PCDHA9: variants seen among roughly 807,000 people sequenced by gnomAD.
The protein encoded by PCDHA9 is protocadherin alpha-9.
In PCDHA9, 62 loss-of-function variants were observed where a neutral mutation model predicts 62.0. The observed-to-expected ratio is 1.00, with a 90% CI of 0.81 to 1.23. The LOEUF is 1.23. Ranked by LOEUF, PCDHA9 falls within the 50% of genes most tolerant of loss-of-function variation. The pLI is 0.00. For missense variants in PCDHA9, 1,205 were observed against 1,249.8 expected, an observed-to-expected ratio of 0.96 and a Z score of 0.54; for synonymous variants, 557 against 567.6, an observed-to-expected ratio of 0.98 and a Z score of 0.27.
At chr5:140,978,597 A>G (rs897045455) in intron 1 of PCDHA9, among the ~76,000 whole-genome samples, 1 of 152,234 alleles carries the variant, frequency 6.6e-6, no homozygotes, top group Non-Finnish European at 1.5e-5. Flanking sequence ...TTAATGGGGC[A>G]CTTGAGGGCA....
intron 1 of PCDHA9, chr5:140,875,439 G>C (rs375983329): frequency 3.8e-6 from 6 of 1,569,382 alleles, no homozygotes; most frequent in East Asian, 2.3e-5. Flanking sequence ...CCTTAAAACT[G>C]ATTGTCCCAA....
chr5:140,986,204 T>A (rs2097190386), intron 3 of PCDHA9, among the ~76,000 whole-genome samples: 1 of 152,224 alleles, frequency 6.6e-6, no homozygotes, highest in African/African-American at 2.4e-5. Context: ...TAATCCTGAT[T>A]ACTGGCCCCT....
At chr5:140,869,355 G>A (rs782391359) in intron 1 of PCDHA9, 19 of 1,614,012 alleles carry the variant, frequency 1.2e-5, no homozygotes, top group Admixed American at 1.7e-5. Context: ...ATGGCATTTT[G>A]TTTGTGAATT....
intron 3 of PCDHA9, among the ~76,000 whole-genome samples, chr5:140,988,057 C>T (rs557714672): frequency 6.6e-6 from 1 of 152,188 alleles, no homozygotes; most frequent in Non-Finnish European, 1.5e-5. Context: ...GCACTGTCAA[C>T]ATGAATTTTT....
chr5:140,856,225 G>C (rs1554148421), intron 1 of PCDHA9: 1 of 1,598,066 alleles, frequency 6.3e-7, no homozygotes, highest in Admixed American at 1.7e-5. Context: ...CGGAGCTGGT[G>C]CAGCGCCTGT....
intron 1 of PCDHA9, among the ~76,000 whole-genome samples, chr5:140,918,322 A>G (rs538027862): frequency 1.1e-4 from 16 of 152,220 alleles, no homozygotes; most frequent in African/African-American, 2.6e-4. Context: ...GTATAAAATT[A>G]TATTGTCTGC....
rs2150424583 is a variant in PCDHA9 at position 140,848,913 on chromosome 5, C to A, written c.418C>A (p.Leu140Met). 1 of 1,608,160 alleles carries A rather than the reference C, an allele frequency of 6.2e-7. No homozygotes were observed. Among genetic ancestry groups the A allele is most frequent in the South Asian group, 1.1e-5 (1 of 90,836 alleles). ...PPVFPATQKNLFIAESRPLDS... is the reference protein window; with the variant it reads ...PPVFPATQKNMFIAESRPLDS... ...AGTGTTCCCAGCGACACAAAAGAAT[C>A]TGTTCATCGCGGAATCCAGGCCGCT... The change falls in exon 1 of 4, where the codon CTG (leucine) becomes ATG (methionine). Residue 140 changes from leucine to methionine, a missense_variant. Coordinates refer to ENST00000532602, the MANE Select transcript of PCDHA9 (RefSeq NM_031857.2).
In PCDHA9 at chr5:140,848,382, ACTCT is replaced by A. The variant is rs1581148542; in HGVS notation, c.-109_-106del. Reference sequence around the variant, plus strand: ...TGGGAAAGAGGCTCAATTCTTTTTCACTCTCTCTGTGCTGAACGATGGCGAACAC... The same window carrying A: ...TGGGAAAGAGGCTCAATTCTTTTTCACTCTGTGCTGAACGATGGCGAACAC... On this transcript the variant is annotated 5_prime_UTR_variant, in exon 1 of 4. Coordinates refer to ENST00000532602, the MANE Select transcript of PCDHA9 (RefSeq NM_031857.2). 1.7e-6 allele frequency: 2 copies of A among 1,188,866 alleles called. No individual in the cohort carries two copies. Among genetic ancestry groups the A allele is most frequent in the Non-Finnish European group, 2.4e-6 (2 of 838,758 alleles). 73.6% of individuals were successfully genotyped at this position (1,188,866 alleles called of 1,614,324 possible). A position where few individuals can be genotyped will look rare whatever the true frequency, so the allele number is the denominator to read the frequency against.
At chr5:140,926,255 G>T (rs562420240) in intron 1 of PCDHA9, 1 of 152,224 alleles carries the variant, frequency 6.6e-6, no homozygotes, top group African/African-American at 2.4e-5. Flanking sequence ...TCACCGTCCC[G>T]CCTCTCGCCG....
chr5:140,885,122 T>A (rs191806335), intron 1 of PCDHA9, among the ~76,000 whole-genome samples: 1 of 152,332 alleles, frequency 6.6e-6, no homozygotes, highest in African/African-American at 2.4e-5. Context: ...AGTGCACTTT[T>A]CTTTCTTTCT....
At chr5:140,851,158 C>A in intron 1 of PCDHA9, 1 of 1,299,046 alleles carries the variant, frequency 7.7e-7, no homozygotes, top group Non-Finnish European at 9.9e-7. Flanking sequence ...ATTTCTGATG[C>A]TATGCTGCCA....
At chr5:140,916,714 G>C (rs1457405124) in intron 1 of PCDHA9, among the ~76,000 whole-genome samples, 1 of 152,172 alleles carries the variant, frequency 6.6e-6, no homozygotes, top group African/African-American at 2.4e-5. Context: ...CAGAAGGAAG[G>C]AGTGACTTTT....
Position 140,946,631 on chromosome 5 carries a change from T to TATATATATATATATACAC in PCDHA9, c.2395-32317_2395-32316insTATATATATATATACACA, listed in dbSNP as rs57893927. 8.0e-4 allele frequency among the ~76,000 whole-genome samples: 106 copies of TATATATATATATATACAC among 131,838 alleles called. 2 individuals carry two copies. The East Asian group carries it at 0.018, about 23-fold the overall frequency. 86.5% of individuals were successfully genotyped at this position (131,838 alleles called of 152,430 possible). A position where few individuals can be genotyped will look rare whatever the true frequency, so the allele number is the denominator to read the frequency against. On this transcript the variant is annotated intron_variant, in intron 1 of 3. Transcript: ENST00000532602. ...TGTGAAATATATATATATATATATA[T>TATATATATATATATACAC]ACAATGGAATACTCATCAGCCATTA...
intron 1 of PCDHA9, among the ~76,000 whole-genome samples, chr5:140,902,233 T>C (rs1402685005): frequency 6.7e-6 from 1 of 149,150 alleles, no homozygotes; most frequent in African/African-American, 2.5e-5. Context: ...AGATGAGGAC[T>C]TGCTTTGTTG....
rs1486042569 is a variant in PCDHA9 at position 140,880,105 on chromosome 5, A to G, written c.2394+29216A>G. On this transcript the variant is annotated intron_variant, in intron 1 of 3. Coordinates refer to ENST00000532602, the MANE Select transcript of PCDHA9 (RefSeq NM_031857.2). ...ATTATAGTAGGCTTAAAATCATAGAAGGATAGACAACAGGAAGCTGAAATA... is the reference window on the plus strand; with the variant it reads ...ATTATAGTAGGCTTAAAATCATAGAGGGATAGACAACAGGAAGCTGAAATA... 1.8e-4 allele frequency among the ~76,000 whole-genome samples: 28 copies of G among 152,256 alleles called. 1 individual carries two copies. Among genetic ancestry groups the G allele is most frequent in the Admixed American group, 1.8e-3 (28 of 15,292 alleles).
chr5:140,945,526 A>T (rs1466059696), intron 1 of PCDHA9, among the ~76,000 whole-genome samples: 2 of 152,130 alleles, frequency 1.3e-5, no homozygotes, highest in African/African-American at 4.8e-5. Context: ...AATAAATAAA[A>T]CAAAACATAC....
intron 3 of PCDHA9, among the ~76,000 whole-genome samples, chr5:140,996,588 G>A (rs1031631617): frequency 3.2e-4 from 49 of 152,082 alleles, no homozygotes; most frequent in Admixed American, 2.0e-3. Flanking sequence ...AACAAGGGCC[G>A]CCTCCCCCCA....
At chr5:140,966,488 C>A (rs1161799910) in intron 1 of PCDHA9, 8 of 440,132 alleles carry the variant, frequency 1.8e-5, no homozygotes, top group Admixed American at 8.7e-5. Flanking sequence ...TTTCCCTCCC[C>A]CTGGAGCTGT....
At chr5:140,934,228 G>A (rs1238284158) in intron 1 of PCDHA9, among the ~76,000 whole-genome samples, 2 of 151,884 alleles carry the variant, frequency 1.3e-5, no homozygotes, top group African/African-American at 4.8e-5. Flanking sequence ...TAAAAGATTT[G>A]TACTTAATTG....
Sources: gnomAD v4.1 joint callset for allele counts (sites outside exome capture counted in the v4.1 genomes callset) on GRCh38, gnomAD v4.1.1 for gene constraint, MANE v1.5 for transcripts, NCBI Gene and HGNC (gene_info 2026-07-23, HGNC 2026-07-21) for gene names.